Variants in SLC5A4 observed in about 807,000 individuals in gnomAD.
SLC5A4 encodes probable glucose sensor protein SLC5A4.
SLC5A4 carries 55 observed loss-of-function variants against 70.3 expected under a neutral mutation model. The observed-to-expected ratio is 0.78, with a 90% CI of 0.63 to 0.98. The LOEUF (loss-of-function observed/expected upper bound fraction) is 0.98, where lower values mean the gene tolerates loss of function less well. Among genes scored for constraint, SLC5A4 ranks in the 50% least tolerant of loss-of-function variants. SLC5A4 has a pLI of 0.00. For missense variants in SLC5A4, 735 were observed against 839.2 expected (o/e 0.88, Z 1.53); for synonymous variants, 268 against 305.7 (o/e 0.88, Z 1.29).
At chr22:32,351,755 GGGGTGGGC>G in the SLC5A4 span, among the ~76,000 whole-genome samples, 2 of 78,110 alleles carry the variant, frequency 2.6e-5, no homozygotes, top group Admixed American at 1.4e-4. Flanking sequence ...GGGCGGGGGG[GGGGTGGGC>G]GGGTGGAATA....
At chr22:32,260,235 C>G (rs2145717408), upstream of SLC5A4, among the ~76,000 whole-genome samples, 1 of 152,096 alleles carries the variant, frequency 6.6e-6, no homozygotes, top group Middle Eastern at 3.4e-3. Context: ...GAAGGGTGCC[C>G]CACTTCCTCT....
chr22:32,337,751 G>C, the SLC5A4 span, among the ~76,000 whole-genome samples: 1 of 152,144 alleles, frequency 6.6e-6, no homozygotes, highest in Admixed American at 6.5e-5. Flanking sequence ...GTAAATACTG[G>C]TGCTGTCACT....
chr22:32,292,395 T>C, the SLC5A4 span, among the ~76,000 whole-genome samples: 1 of 148,156 alleles, frequency 6.7e-6, no homozygotes, highest in African/African-American at 2.5e-5. Flanking sequence ...ATACTAGATA[T>C]ATATTTGTTT....
the SLC5A4 span, chr22:32,270,010 C>T: frequency 2.0e-6 from 1 of 498,670 alleles, no homozygotes; most frequent in Non-Finnish European, 3.9e-6. Context: ...CGAGAAGCTT[C>T]AGGAGCCCCC....
chr22:32,261,104 T>TG, the SLC5A4 span, among the ~76,000 whole-genome samples: 1 of 150,066 alleles, frequency 6.7e-6, no homozygotes, highest in African/African-American at 2.4e-5. Context: ...CAGCCTCCCC[T>TG]GACCCAGGAG....
the SLC5A4 span, chr22:32,327,202 TAGA>T: frequency 6.6e-6 from 1 of 152,244 alleles, no homozygotes; most frequent in African/African-American, 2.4e-5. Flanking sequence ...TGATGACGGT[TAGA>T]AGGTGGAAAC....
At chr22:32,265,763 C>T in the SLC5A4 span, among the ~76,000 whole-genome samples, 3 of 151,930 alleles carry the variant, frequency 2.0e-5, no homozygotes, top group Non-Finnish European at 2.9e-5. Flanking sequence ...ACGCTTGAAC[C>T]GGGGAGGTGG....
At chr22:32,305,159 A>G in the SLC5A4 span, among the ~76,000 whole-genome samples, 2 of 151,970 alleles carry the variant, frequency 1.3e-5, no homozygotes, top group South Asian at 2.1e-4. Context: ...GTTATTATGT[A>G]CTTTTAAAAA....
chr22:32,254,418 A>C (rs758440043), intron 1 of SLC5A4, among the ~76,000 whole-genome samples: 1 of 152,252 alleles, frequency 6.6e-6, no homozygotes, highest in Non-Finnish European at 1.5e-5. Context: ...AGAACTTAAA[A>C]AAATCATAAT....
At chr22:32,328,092 ACACAAAC>A in the SLC5A4 span, among the ~76,000 whole-genome samples, 1 of 102,618 alleles carries the variant, frequency 9.7e-6, no homozygotes, top group Non-Finnish European at 2.5e-5. Context: ...AGCCCCCAAC[ACACAAAC>A]ACACACACAC....
chr22:32,310,988 G>T, the SLC5A4 span, among the ~76,000 whole-genome samples: 3 of 152,188 alleles, frequency 2.0e-5, no homozygotes, highest in African/African-American at 7.2e-5. Flanking sequence ...CACCAAGCCT[G>T]TGCCTGCCAC....
intron 2 of SLC5A4, among the ~76,000 whole-genome samples, chr22:32,252,876 G>A (rs898787631): frequency 2.6e-5 from 4 of 152,156 alleles, no homozygotes; most frequent in Non-Finnish European, 4.4e-5. Context: ...TTGAGTGGAC[G>A]TAGATGAGCA....
At chr22:32,277,907 T>A in the SLC5A4 span, among the ~76,000 whole-genome samples, 1 of 152,172 alleles carries the variant, frequency 6.6e-6, no homozygotes, top group African/African-American at 2.4e-5. Flanking sequence ...AGAAAGTCTA[T>A]CTTAAAATTG....
At chr22:32,274,133 G>A in the SLC5A4 span, among the ~76,000 whole-genome samples, 5 of 150,204 alleles carry the variant, frequency 3.3e-5, no homozygotes, top group African/African-American at 4.9e-5. Flanking sequence ...TCCACCTCCC[G>A]GGTTCACACC....
chr22:32,328,058 C>T, the SLC5A4 span, among the ~76,000 whole-genome samples: 2 of 151,588 alleles, frequency 1.3e-5, no homozygotes, highest in Admixed American at 6.6e-5. Flanking sequence ...TGACCTTGGA[C>T]GACGTCCCCA....
the SLC5A4 span, among the ~76,000 whole-genome samples, chr22:32,321,026 G>A: frequency 1.3e-5 from 2 of 152,176 alleles, no homozygotes; most frequent in Non-Finnish European, 2.9e-5. Flanking sequence ...GGTGGCTCAC[G>A]CCTATAATCC....
At chr22:32,310,805 A>C in the SLC5A4 span, among the ~76,000 whole-genome samples, 1 of 152,240 alleles carries the variant, frequency 6.6e-6, no homozygotes, top group Non-Finnish European at 1.5e-5. Context: ...ATGAAGAGCC[A>C]GGGAGAATGG....
At chr22:32,339,104 G>A in the SLC5A4 span, among the ~76,000 whole-genome samples, 38 of 152,184 alleles carry the variant, frequency 2.5e-4, no homozygotes, top group Non-Finnish European at 7.3e-5. Flanking sequence ...GGTCATCGCT[G>A]ATTCAATAGG....
chr22:32,345,689 G>GT, the SLC5A4 span, among the ~76,000 whole-genome samples: 1 of 152,234 alleles, frequency 6.6e-6, no homozygotes, highest in South Asian at 2.1e-4. Context: ...CATAATGAGA[G>GT]TAAAGGGCAC....
Sources: allele counts gnomAD v4.1 joint callset (sites outside exome capture counted in the v4.1 genomes callset), GRCh38; gene constraint gnomAD v4.1.1; transcripts MANE v1.5; gene names NCBI Gene and HGNC (gene_info 2026-07-23, HGNC 2026-07-21).